WNT5B: variants seen among roughly 807,000 people sequenced by gnomAD.
The protein encoded by WNT5B is protein Wnt-5b.
Under a neutral mutation model 36.5 loss-of-function variants are expected in WNT5B, and 18 were observed. That is an observed-to-expected ratio of 0.49 (90% CI 0.34 to 0.73). WNT5B has a LOEUF of 0.73. Ranked by LOEUF, WNT5B falls within the 30% of genes least tolerant of loss-of-function variation. WNT5B has a pLI of 0.01. For synonymous variants in WNT5B, 213 were observed against 212.3 expected, an observed-to-expected ratio of 1.00 and a Z score of -0.03; for missense variants, 424 against 508.4, an observed-to-expected ratio of 0.83 and a Z score of 1.60.
At chr12:1,640,825 C>T (rs916235390) in intron 4 of WNT5B, among the ~76,000 whole-genome samples, 1 of 152,242 alleles carries the variant, frequency 6.6e-6, no homozygotes, top group Admixed American at 6.5e-5. Context: ...GGAGGGCCTG[C>T]CCCGCAGGAA....
chr12:1,623,793 T>G (rs1334883856), intron 1 of WNT5B, among the ~76,000 whole-genome samples: 2 of 152,184 alleles, frequency 1.3e-5, no homozygotes. Context: ...GCTCTTGACC[T>G]GGTTTGTCTT....
intron 1 of WNT5B, among the ~76,000 whole-genome samples, chr12:1,620,850 T>C (rs369790635): frequency 1.3e-5 from 2 of 150,938 alleles, no homozygotes; most frequent in Admixed American, 1.3e-4. Flanking sequence ...ACTACAGGCA[T>C]GCGCCACCAC....
chr12:1,627,851 C>G (rs2094543358), upstream of WNT5B, among the ~76,000 whole-genome samples: 1 of 152,160 alleles, frequency 6.6e-6, no homozygotes, highest in Admixed American at 6.5e-5. The surrounding 1 kb of genome is among the most constrained non-coding windows in gnomAD (Gnocchi z 5.0). Flanking sequence ...CCTTCCCATT[C>G]TTGATTCTGG....
At chr12:1,625,705 A>G (rs963110460), upstream of WNT5B, among the ~76,000 whole-genome samples, 3 of 152,074 alleles carry the variant, frequency 2.0e-5, no homozygotes, top group African/African-American at 7.2e-5. Context: ...ACTTTGTCAC[A>G]CAGGCTGGAG....
chr12:1,641,743 C>G (rs1395663063), intron 4 of WNT5B, among the ~76,000 whole-genome samples: 3 of 152,002 alleles, frequency 2.0e-5, no homozygotes, highest in Non-Finnish European at 4.4e-5. Flanking sequence ...TTGCAGTGAG[C>G]CAAGATCCTG....
intron 3 of WNT5B, among the ~76,000 whole-genome samples, chr12:1,639,426 C>T (rs1355473951): frequency 1.3e-5 from 2 of 152,158 alleles, no homozygotes; most frequent in Admixed American, 1.3e-4. Context: ...GCTGAGCCAC[C>T]GCGCCGGGCC....
At chr12:1,627,191 G>A (rs2154439413), upstream of WNT5B, among the ~76,000 whole-genome samples, 2 of 152,296 alleles carry the variant, frequency 1.3e-5, no homozygotes, top group African/African-American at 4.8e-5. This position sits in a 1 kb window ranked among gnomAD's most constrained non-coding sequence, Gnocchi z 5.0. Context: ...ATCTTGGAAG[G>A]TGTGGCCTCA....
chr12:1,640,813 C>G (rs1477486073), intron 4 of WNT5B, among the ~76,000 whole-genome samples: 1 of 152,248 alleles, frequency 6.6e-6, no homozygotes, highest in Admixed American at 6.5e-5. Flanking sequence ...CCACACAAGA[C>G]TGGAGGGCCT....
At chr12:1,619,657 A>G (rs1243501142) in intron 1 of WNT5B, among the ~76,000 whole-genome samples, 4 of 152,240 alleles carry the variant, frequency 2.6e-5, no homozygotes, top group East Asian at 3.8e-4. Context: ...TGACCAAAAA[A>G]AAAAGTGAGA....
In WNT5B at chr12:1,646,314, T is replaced by C; in HGVS notation, c.*62T>C. On this transcript the variant is annotated 3_prime_UTR_variant, in exon 5 of 5. Coordinates refer to ENST00000397196, the MANE Select transcript of WNT5B (RefSeq NM_032642.3). ...CTCACAAAGGTCTATATTATATAAA[T>C]CTATATAAATCTATTTTATATTTGT... is the stretch of plus-strand genomic sequence containing the variant. 7.9e-7 allele frequency: 1 copy of C among 1,261,532 alleles called. No individual in the cohort carries two copies. The highest frequency in any genetic ancestry group is 2.1e-5 in the South Asian group (1 of 47,540). The allele number at this position is 1,261,532 out of a possible 1,614,324, so 78.1% of individuals were successfully genotyped here.
intron 1 of WNT5B, among the ~76,000 whole-genome samples, chr12:1,623,562 G>T (rs756942286): frequency 6.6e-6 from 1 of 152,076 alleles, no homozygotes; most frequent in Non-Finnish European, 1.5e-5. Context: ...CTCCTCGATC[G>T]CTATATCTAC....
chr12:1,631,775 G>A (rs1223489357), intron 2 of WNT5B, among the ~76,000 whole-genome samples: 1 of 152,084 alleles, frequency 6.6e-6, no homozygotes, highest in Non-Finnish European at 1.5e-5. Context: ...TTTGTTTTGT[G>A]TGTTTTGCTG....
At chr12:1,636,845 A>G (rs2094562721) in intron 3 of WNT5B, among the ~76,000 whole-genome samples, 1 of 151,906 alleles carries the variant, frequency 6.6e-6, no homozygotes, top group African/African-American at 2.4e-5. Flanking sequence ...CCTCCTGAGT[A>G]GCTGGGATTA....
intron 4 of WNT5B, among the ~76,000 whole-genome samples, chr12:1,643,187 G>T (rs534073847): frequency 6.6e-6 from 1 of 151,924 alleles, no homozygotes; most frequent in African/African-American, 2.4e-5. Context: ...AGACGGTGGC[G>T]GCAACACCAG....
chr12:1,639,806 G>T lies in WNT5B; in HGVS notation c.451G>T (p.Asp151Tyr). ...CGCSRTARPK[D>Y]LPRDWLWGGC... ...CTGCAGCCGGACGGCGCGGCCCAAGGACCTGCCCCGGGACTGGCTGTGGGG... is the reference window on the plus strand; with the variant it reads ...CTGCAGCCGGACGGCGCGGCCCAAGTACCTGCCCCGGGACTGGCTGTGGGG... Residue 151 changes from aspartate (D) to tyrosine (Y), a missense_variant, in exon 4 of 5, where the codon GAC becomes TAC. Physicochemically the swap from Asp to Tyr is radical, Grantham distance 160. Transcript: ENST00000397196. The T allele has an allele frequency of 1.2e-6, 2 of 1,613,400 alleles. No individual in the cohort carries two copies. Among genetic ancestry groups the T allele is most frequent in the Non-Finnish European group, 1.7e-6 (2 of 1,179,682 alleles).
At position 1,646,376 on chromosome 12, in the gene WNT5B, GA is replaced by G; in HGVS notation, c.*128del. On this transcript the variant is annotated 3_prime_UTR_variant, in exon 5 of 5. Transcript: ENST00000397196. ...GGTGGGTGCTATACAATGGAAAGAT[GA>G]AAATGGAAAGGAAGAGCTTATTTAA... is the stretch of plus-strand genomic sequence containing the variant. 2.4e-6 allele frequency: 2 copies of G among 828,532 alleles called. No homozygotes were observed. Among genetic ancestry groups the G allele is most frequent in the Non-Finnish European group, 3.3e-6 (2 of 609,440 alleles). The allele number at this position is 828,532 out of a possible 1,614,324, so 51.3% of individuals were successfully genotyped here. A position where few individuals can be genotyped will look rare whatever the true frequency, so the allele number is the denominator to read the frequency against.
upstream of WNT5B, among the ~76,000 whole-genome samples, chr12:1,627,460 C>G (rs1371719702): frequency 6.6e-6 from 1 of 152,224 alleles, no homozygotes; most frequent in East Asian, 1.9e-4. This position sits in a 1 kb window ranked among gnomAD's most constrained non-coding sequence, Gnocchi z 5.0. Context: ...GATGTTGTTT[C>G]AGGCACTGCT....
Position 1,644,870 on chromosome 12 carries a change from T to G in WNT5B, c.622-924T>G, listed in dbSNP as rs2154439909. On this transcript the variant is annotated intron_variant, in intron 4 of 4. Coordinates refer to ENST00000397196, the MANE Select transcript of WNT5B (RefSeq NM_032642.3). The surrounding 1 kb of genome is among the most constrained non-coding windows in gnomAD (Gnocchi z 5.1). ...CGGTTCTGTGACTTCTGGGGTAGACTTGTTTTAGATGAACCGCTCCTGCAG... is the reference window on the plus strand; with the variant it reads ...CGGTTCTGTGACTTCTGGGGTAGACGTGTTTTAGATGAACCGCTCCTGCAG... The G allele has an allele frequency of 6.6e-6, 1 of 152,342 alleles. No homozygotes were observed. The highest frequency in any genetic ancestry group is 2.4e-5 in the African/African-American group (1 of 41,584). 9.4% of individuals were successfully genotyped at this position (152,342 alleles called of 1,614,324 possible). A position where few individuals can be genotyped will look rare whatever the true frequency, so the allele number is the denominator to read the frequency against.
upstream of WNT5B, among the ~76,000 whole-genome samples, chr12:1,625,410 A>C (rs1016006408): frequency 2.6e-5 from 4 of 152,258 alleles, no homozygotes; most frequent in African/African-American, 9.6e-5. Context: ...GTCCATAAAC[A>C]GTCTTTCTCT....
Sources: gnomAD v4.1 joint callset for allele counts (sites outside exome capture counted in the v4.1 genomes callset) on GRCh38, gnomAD v4.1.1 for gene constraint, Gnocchi (gnomAD v3.1) non-coding constraint, MANE v1.5 for transcripts, NCBI Gene and HGNC (gene_info 2026-07-23, HGNC 2026-07-21) for gene names.